ABTB3: variants seen among roughly 807,000 people sequenced by gnomAD.
ABTB3 encodes ankyrin repeat and BTB domain containing 3.
chr12:107,592,830 G>T, the ABTB3 span, among the ~76,000 whole-genome samples: 2 of 152,166 alleles, frequency 1.3e-5, no homozygotes, highest in African/African-American at 2.4e-5. Flanking sequence ...CTTTGTGTTT[G>T]TAAGCCTTTA....
chr12:107,453,055 C>T, the ABTB3 span, among the ~76,000 whole-genome samples: 1 of 152,062 alleles, frequency 6.6e-6, no homozygotes, highest in African/African-American at 2.4e-5. Flanking sequence ...AAAGGGTCAG[C>T]TATGGAACAG....
At chr12:107,428,855 C>A in the ABTB3 span, among the ~76,000 whole-genome samples, 16 of 152,378 alleles carry the variant, frequency 1.1e-4, no homozygotes, top group African/African-American at 3.8e-4. Flanking sequence ...CGTCATGTCA[C>A]TTAATCCTCA....
the ABTB3 span, among the ~76,000 whole-genome samples, chr12:107,618,971 C>T: frequency 6.6e-6 from 1 of 152,204 alleles, no homozygotes; most frequent in Admixed American, 6.5e-5. Context: ...AGAGCCATCT[C>T]CTCCATGTGT....
At chr12:107,479,754 A>G in the ABTB3 span, among the ~76,000 whole-genome samples, 1 of 152,106 alleles carries the variant, frequency 6.6e-6, no homozygotes, top group African/African-American at 2.4e-5. Flanking sequence ...ACACTGTGAA[A>G]AGCACTTGAC....
chr12:107,452,734 G>A, the ABTB3 span, among the ~76,000 whole-genome samples: 5 of 152,056 alleles, frequency 3.3e-5, no homozygotes, highest in African/African-American at 7.2e-5. Context: ...CCAGCTACTC[G>A]GGAGGCTGAG....
At chr12:107,548,835 C>T in the ABTB3 span, among the ~76,000 whole-genome samples, 13 of 152,220 alleles carry the variant, frequency 8.5e-5, no homozygotes, top group East Asian at 2.3e-3. Flanking sequence ...CCGGAAATAT[C>T]CGTGATTCCT....
chr12:107,524,873 G>A, the ABTB3 span, among the ~76,000 whole-genome samples: 1 of 152,202 alleles, frequency 6.6e-6, no homozygotes, highest in African/African-American at 2.4e-5. Context: ...CTGAAGATTT[G>A]CAATTTGCTC....
the ABTB3 span, among the ~76,000 whole-genome samples, chr12:107,400,305 C>T: frequency 6.6e-6 from 1 of 152,050 alleles, no homozygotes. Context: ...TGATGAGATG[C>T]TTAGGGGGCA....
the ABTB3 span, among the ~76,000 whole-genome samples, chr12:107,380,773 C>T: frequency 3.3e-5 from 5 of 151,980 alleles, no homozygotes; most frequent in Admixed American, 6.6e-5. Flanking sequence ...TGAATGTGCA[C>T]GAAAGGGCAA....
the ABTB3 span, among the ~76,000 whole-genome samples, chr12:107,416,923 G>A: frequency 0.058 from 8,817 of 152,186 alleles, 770 homozygotes; most frequent in African/African-American, 0.19. Context: ...CTGAGCCACC[G>A]TGCCCAGCCA....
the ABTB3 span, among the ~76,000 whole-genome samples, chr12:107,459,475 C>G: frequency 2.0e-5 from 3 of 152,152 alleles, no homozygotes; most frequent in Non-Finnish European, 4.4e-5. Flanking sequence ...AAATTCAAAC[C>G]TATAGGAGGT....
the ABTB3 span, among the ~76,000 whole-genome samples, chr12:107,479,707 T>A: frequency 6.6e-6 from 1 of 152,148 alleles, no homozygotes; most frequent in Non-Finnish European, 1.5e-5. Flanking sequence ...ATGGTGATGA[T>A]CGTGCTGAAA....
chr12:107,532,059 G>T, the ABTB3 span, among the ~76,000 whole-genome samples: 1 of 152,162 alleles, frequency 6.6e-6, no homozygotes, highest in Non-Finnish European at 1.5e-5. Flanking sequence ...CCTGCCCCAG[G>T]GCCACCACCA....
At chr12:107,608,324 G>A in the ABTB3 span, among the ~76,000 whole-genome samples, 2 of 152,126 alleles carry the variant, frequency 1.3e-5, no homozygotes, top group African/African-American at 4.8e-5. Context: ...CCCACCCTCC[G>A]TCCTCTCATA....
chr12:107,642,492 A>G, the ABTB3 span, among the ~76,000 whole-genome samples: 3 of 152,142 alleles, frequency 2.0e-5, no homozygotes, highest in Non-Finnish European at 2.9e-5. Context: ...TATACAGTAG[A>G]GTACTCGAGG....
chr12:107,335,520 T>G, the ABTB3 span, among the ~76,000 whole-genome samples: 3 of 152,034 alleles, frequency 2.0e-5, no homozygotes, highest in Admixed American at 6.6e-5. Flanking sequence ...GCTTCTCACT[T>G]CCACCCTGTA....
At chr12:107,355,887 C>A in the ABTB3 span, among the ~76,000 whole-genome samples, 2 of 152,136 alleles carry the variant, frequency 1.3e-5, no homozygotes, top group Non-Finnish European at 2.9e-5. Context: ...GTGCCCTAAA[C>A]CTCAGTTATT....
chr12:107,329,348 G>T, the ABTB3 span, among the ~76,000 whole-genome samples: 1 of 152,084 alleles, frequency 6.6e-6, no homozygotes, highest in Non-Finnish European at 1.5e-5. Context: ...CAATTTTCTC[G>T]TCTGCTTAAT....
chr12:107,322,718 C>CTACACTATTATCCCT, the ABTB3 span, among the ~76,000 whole-genome samples: 101 of 17,194 alleles, frequency 5.9e-3, no homozygotes, highest in Non-Finnish European at 8.9e-3. Flanking sequence ...CCCCAGTACC[C>CTACACTATTATCCCT]ATTATATACA....
Sources: gnomAD v4.1 joint callset for allele counts (sites outside exome capture counted in the v4.1 genomes callset) on GRCh38, gnomAD v4.1.1 for gene constraint, MANE v1.5 for transcripts, NCBI Gene and HGNC (gene_info 2026-07-23, HGNC 2026-07-21) for gene names.